Variants in EPHA6 observed in about 807,000 individuals in gnomAD.
The protein encoded by EPHA6 is EPH receptor A6.
Under a neutral mutation model 112.0 loss-of-function variants are expected in EPHA6, and 50 were observed. That is an observed-to-expected ratio of 0.45 (90% CI 0.36 to 0.56). The LOEUF (loss-of-function observed/expected upper bound fraction) is 0.56, where lower values mean the gene tolerates loss of function less well. Ranked by LOEUF, EPHA6 falls within the 20% of genes least tolerant of loss-of-function variation. EPHA6 has a pLI of 0.00. For missense variants in EPHA6, 1,280 were observed against 1,417.4 expected, an observed-to-expected ratio of 0.90 and a Z score of 1.56; for synonymous variants, 529 against 490.7, an observed-to-expected ratio of 1.08 and a Z score of -1.03.
chr3:97,475,354 T>C lies in EPHA6; in HGVS notation c.1897T>C (p.Ser633Pro). Residue 633 changes from serine to proline, a missense_variant and splice_region_variant, in exon 8 of 18, where the codon TCT becomes CCT. Coordinates refer to ENST00000389672, the MANE Select transcript of EPHA6 (RefSeq NM_001080448.3). ...TTAATATTGTATCTCTGTTTCAGCT[T>C]CTGACATGGCAGCAGAACAAGGACA... ...KFEFETGDET[S>P]DMAAEQGQIL... 6.2e-7 allele frequency: 1 copy of C among 1,608,746 alleles called. No individual in the cohort carries two copies. Among genetic ancestry groups the C allele is most frequent in the Non-Finnish European group, 8.5e-7 (1 of 1,177,156 alleles).
At chr3:97,153,529 A>G (rs1328387404) in intron 3 of EPHA6, among the ~76,000 whole-genome samples, 2 of 152,150 alleles carry the variant, frequency 1.3e-5, no homozygotes, top group African/African-American at 4.8e-5. Flanking sequence ...AGTAATCTAC[A>G]TAGGATCCAA....
At chr3:97,481,476 G>A in intron 9 of EPHA6, 3 of 1,221,970 alleles carry the variant, frequency 2.5e-6, no homozygotes, top group Non-Finnish European at 3.6e-6. Context: ...GAGGCAATAA[G>A]GAAGGCACAA....
At position 97,618,549 on chromosome 3, in the gene EPHA6, A is replaced by G. The variant is rs2093785342; in HGVS notation, c.2574+7695A>G. ...TAGACTAATAAAGAAGAAAAGAGAGAAGATTCAAATAACACAATCAGAAAT... is the reference window on the plus strand; with the variant it reads ...TAGACTAATAAAGAAGAAAAGAGAGGAGATTCAAATAACACAATCAGAAAT... On this transcript the variant is annotated intron_variant, in intron 13 of 17. Coordinates refer to ENST00000389672, the MANE Select transcript of EPHA6 (RefSeq NM_001080448.3). Among the ~76,000 whole-genome samples, 2 of 152,108 alleles carry G rather than the reference A, an allele frequency of 1.3e-5. 1 individual carries two copies. The highest frequency in any genetic ancestry group is 1.3e-4 in the Admixed American group (2 of 15,240).
intron 13 of EPHA6, among the ~76,000 whole-genome samples, chr3:97,622,799 A>G (rs1281369397): frequency 6.6e-6 from 1 of 151,898 alleles, no homozygotes; most frequent in South Asian, 2.1e-4. Context: ...TATAATGGCT[A>G]TCCTGATGGA....
Position 96,962,856 on chromosome 3 carries a change from G to A in EPHA6, c.451-24474G>A, listed in dbSNP as rs1055134990. ...TTAGCTGAGTAAGAGAAAAACAAAT[G>A]AAAAGGAGGGAGCATTTCAGGCACG... On this transcript the variant is annotated intron_variant, in intron 2 of 17. Coordinates refer to ENST00000389672, the MANE Select transcript of EPHA6 (RefSeq NM_001080448.3). 5.3e-5 allele frequency among the ~76,000 whole-genome samples: 8 copies of A among 152,080 alleles called. No individual in the cohort carries two copies. In the East Asian group the frequency reaches 1.4e-3, roughly 26 times the overall value.
chr3:96,970,298 G>C (rs1174231842), intron 2 of EPHA6, among the ~76,000 whole-genome samples: 1 of 151,432 alleles, frequency 6.6e-6, no homozygotes. Flanking sequence ...GAGAGAGAGA[G>C]AGAGAAAGTG....
chr3:96,833,204 G>C (rs559849665), intron 1 of EPHA6, among the ~76,000 whole-genome samples: 1 of 148,502 alleles, frequency 6.7e-6, no homozygotes, highest in Admixed American at 6.9e-5. Context: ...AGTATGACTG[G>C]TGTCTTTATA....
chr3:97,716,537 C>T lies in EPHA6; in HGVS notation c.2785-3724C>T, dbSNP rs562727301. 1.8e-3 allele frequency among the ~76,000 whole-genome samples: 214 copies of T among 119,488 alleles called. 7 individuals are homozygous for T. The East Asian group carries it at 0.032, about 18-fold the overall frequency. The allele number at this position is 119,488 out of a possible 152,430, so 78.4% of individuals were successfully genotyped here. A position where few individuals can be genotyped will look rare whatever the true frequency, so the allele number is the denominator to read the frequency against. ...GAGCCGAGATTGCGCCACTGCAGTC[C>T]GCAGTCCGGCCCGGGCGACAGAGCG... is the stretch of plus-strand genomic sequence containing the variant. On this transcript the variant is annotated intron_variant, in intron 14 of 17. Coordinates refer to ENST00000389672, the MANE Select transcript of EPHA6 (RefSeq NM_001080448.3).
intron 14 of EPHA6, among the ~76,000 whole-genome samples, chr3:97,682,376 GTAAATAAT>G (rs1377426118): frequency 6.6e-6 from 1 of 152,090 alleles, no homozygotes; most frequent in African/African-American, 2.4e-5. Context: ...TTTAAATGAA[GTAAATAAT>G]TCCTAGAGAT....
intron 11 of EPHA6, chr3:97,560,630 A>G (rs143400763): frequency 2.6e-5 from 4 of 152,180 alleles, no homozygotes; most frequent in Non-Finnish European, 5.9e-5. Flanking sequence ...TCTTCAAAGA[A>G]TATTCATTGA....
chr3:97,255,635 G>A (rs982082130), intron 5 of EPHA6, among the ~76,000 whole-genome samples: 9 of 152,068 alleles, frequency 5.9e-5, no homozygotes, highest in South Asian at 2.1e-4. Flanking sequence ...AGACATGCTC[G>A]AAAACATACA....
chr3:97,223,923 G>T (rs968400002), intron 3 of EPHA6, among the ~76,000 whole-genome samples: 1 of 152,050 alleles, frequency 6.6e-6, no homozygotes, highest in East Asian at 1.9e-4. Flanking sequence ...TTAAAATTGT[G>T]CTATCCAGTA....
intron 13 of EPHA6, among the ~76,000 whole-genome samples, chr3:97,627,331 G>A (rs1403542326): frequency 6.6e-6 from 1 of 151,844 alleles, no homozygotes; most frequent in East Asian, 1.9e-4. Flanking sequence ...TTGCTGTGGA[G>A]AAAAATAAAG....
At chr3:97,384,044 A>C (rs1577182471) in intron 5 of EPHA6, among the ~76,000 whole-genome samples, 1 of 152,140 alleles carries the variant, frequency 6.6e-6, no homozygotes, top group East Asian at 1.9e-4. Flanking sequence ...AGAATATGTA[A>C]GTTTTTTTCT....
At chr3:97,739,429 AAG>A (rs34092645) in intron 16 of EPHA6, among the ~76,000 whole-genome samples, 149,304 of 152,140 alleles carry the variant, frequency 0.98, 73,283 homozygotes, top group East Asian at 0.99. Context: ...ACAGAGTAGT[AAG>A]AGGGGAAGAA....
chr3:97,458,576 A>G (rs575824639), intron 7 of EPHA6, among the ~76,000 whole-genome samples: 124 of 152,270 alleles, frequency 8.1e-4, no homozygotes, highest in African/African-American at 2.7e-3. Context: ...ATTCATATAT[A>G]TAATACATAT....
In EPHA6 at chr3:97,080,166, A is replaced by G. The variant is rs186886615; in HGVS notation, c.1114+92173A>G. On this transcript the variant is annotated intron_variant, in intron 3 of 17. Transcript: ENST00000389672. ...TTTAAAAGATAATAACAATGTTCCAATGAATATCTGTATTAGCACTGCACT... is the reference window on the plus strand; with the variant it reads ...TTTAAAAGATAATAACAATGTTCCAGTGAATATCTGTATTAGCACTGCACT... Among the ~76,000 whole-genome samples, 564 of 152,174 alleles carry G rather than the reference A, an allele frequency of 3.7e-3. 1 individual carries two copies. The highest frequency in any genetic ancestry group is 5.8e-3 in the Non-Finnish European group (394 of 68,008).
chr3:97,040,427 G>A (rs886247097), intron 3 of EPHA6, among the ~76,000 whole-genome samples: 4 of 151,800 alleles, frequency 2.6e-5, no homozygotes, highest in Admixed American at 1.3e-4. Flanking sequence ...TATCAAAATC[G>A]GTTTTAAAAG....
At chr3:97,676,191 C>T (rs776695825) in intron 14 of EPHA6, among the ~76,000 whole-genome samples, 1 of 151,806 alleles carries the variant, frequency 6.6e-6, no homozygotes, top group Non-Finnish European at 1.5e-5. Context: ...ATGATATTGC[C>T]AAGAGAATGA....
Sources: gnomAD v4.1 joint callset for allele counts (sites outside exome capture counted in the v4.1 genomes callset) on GRCh38, gnomAD v4.1.1 for gene constraint, MANE v1.5 for transcripts, NCBI Gene and HGNC (gene_info 2026-07-23, HGNC 2026-07-21) for gene names.